Variants in STPG2 observed in about 807,000 individuals in gnomAD.
The protein encoded by STPG2 is sperm tail PG-rich repeat containing 2.
In STPG2, 56 loss-of-function variants were observed where a neutral mutation model predicts 54.2. The observed-to-expected ratio is 1.03, with a 90% CI of 0.83 to 1.29. The LOEUF is 1.29. Ranked by LOEUF, STPG2 falls within the 50% of genes most tolerant of loss-of-function variation. The pLI is 0.00. For missense variants in STPG2, 596 were observed against 544.9 expected (o/e 1.09, Z -0.93); for synonymous variants, 200 against 181.8 (o/e 1.10, Z -0.81).
chr4:97,562,251 T>C lies in STPG2; in HGVS notation c.1321-3134A>G, dbSNP rs999277908. ...GATTTGGCTCTCTGTTTGTCTGTTA[T>C]TGGTGTATAAGAATGCCTGTGATTT... On this transcript the variant is annotated intron_variant, in intron 10 of 10. Coordinates refer to ENST00000295268, the MANE Select transcript of STPG2 (RefSeq NM_174952.3). Among the ~76,000 whole-genome samples the C allele has an allele frequency of 3.9e-5, 6 of 152,286 alleles. No individual in the cohort carries two copies. In the South Asian group the frequency reaches 8.3e-4, roughly 21 times the overall value.
chr4:97,909,732 T>A (rs1305914635), intron 8 of STPG2, among the ~76,000 whole-genome samples: 6 of 152,124 alleles, frequency 3.9e-5, no homozygotes, highest in Admixed American at 1.3e-4. Flanking sequence ...AAATGCTTAA[T>A]AAAATTTAGA....
intron 9 of STPG2, among the ~76,000 whole-genome samples, chr4:97,796,172 T>C (rs1225575264): frequency 6.6e-6 from 1 of 152,228 alleles, no homozygotes; most frequent in Non-Finnish European, 1.5e-5. Context: ...CTGATGGTAG[T>C]TTCTTTCACT....
chr4:97,532,474 A>C (rs1398535337), intron 4 of STPG2, among the ~76,000 whole-genome samples: 1 of 152,202 alleles, frequency 6.6e-6, no homozygotes, highest in Admixed American at 6.5e-5. Context: ...ACTTGACGAT[A>C]TAAAGTGGCA....
intron 8 of STPG2, among the ~76,000 whole-genome samples, chr4:97,900,107 A>T (rs1360771966): frequency 6.6e-6 from 1 of 152,178 alleles, no homozygotes; most frequent in Non-Finnish European, 1.5e-5. Context: ...AAAGTTAGCA[A>T]AGGACATGAA....
intron 4 of STPG2, chr4:97,441,549 A>G (rs560504610): frequency 6.6e-6 from 1 of 152,114 alleles, no homozygotes; most frequent in African/African-American, 2.4e-5. Context: ...GGGAAAAGAA[A>G]AGCTATTTCA....
At chr4:97,934,982 A>C (rs1435284121) in intron 8 of STPG2, among the ~76,000 whole-genome samples, 2 of 152,046 alleles carry the variant, frequency 1.3e-5, no homozygotes, top group Non-Finnish European at 2.9e-5. Context: ...AATTCATCTG[A>C]TACTGGGCGT....
At chr4:97,552,136 C>G (rs1731980042) in intron 4 of STPG2, among the ~76,000 whole-genome samples, 1 of 152,042 alleles carries the variant, frequency 6.6e-6, no homozygotes. Flanking sequence ...AGCCAATATT[C>G]AAATCAAGAC....
At chr4:98,109,359 A>G in intron 3 of STPG2, 54 bp from the exon 4 acceptor site, 2 of 1,336,282 alleles carry the variant, frequency 1.5e-6, no homozygotes, top group Non-Finnish European at 2.1e-6. Context: ...TAAATAAGTC[A>G]TGAAACAATG....
At chr4:98,098,115 G>GA (rs994661299) in intron 5 of STPG2, among the ~76,000 whole-genome samples, 24 of 151,818 alleles carry the variant, frequency 1.6e-4, no homozygotes, top group Middle Eastern at 3.4e-3. Flanking sequence ...GAAACAAAAA[G>GA]AAAAAAACAT....
At chr4:97,956,359 T>C (rs1033966636) in intron 7 of STPG2, among the ~76,000 whole-genome samples, 3 of 152,092 alleles carry the variant, frequency 2.0e-5, no homozygotes, top group African/African-American at 7.2e-5. Context: ...ATTATAATAT[T>C]TGATTAATCC....
chr4:98,052,034 C>T (rs2149314563), intron 5 of STPG2, among the ~76,000 whole-genome samples: 1 of 150,134 alleles, frequency 6.7e-6, no homozygotes, highest in Admixed American at 6.7e-5. Context: ...TTGAAGTGAG[C>T]TGAGATTGCA....
intron 7 of STPG2, among the ~76,000 whole-genome samples, chr4:97,969,344 C>A (rs1734236581): frequency 6.6e-6 from 1 of 152,158 alleles, no homozygotes. Flanking sequence ...GATGTTATGT[C>A]AAAGAATTAC....
chr4:97,448,163 G>T (rs1429210114), intron 4 of STPG2, among the ~76,000 whole-genome samples: 1 of 152,148 alleles, frequency 6.6e-6, no homozygotes, highest in East Asian at 1.9e-4. Context: ...TCCAGTGCTT[G>T]TCCCCATATT....
intron 9 of STPG2, among the ~76,000 whole-genome samples, chr4:97,777,594 A>G (rs1032620759): frequency 3.9e-5 from 6 of 152,136 alleles, no homozygotes; most frequent in Non-Finnish European, 8.8e-5. Flanking sequence ...TCAATGAAAA[A>G]CTTTCAGTTT....
intron 10 of STPG2, among the ~76,000 whole-genome samples, chr4:97,561,495 T>C (rs1732241542): frequency 6.6e-6 from 1 of 152,220 alleles, no homozygotes; most frequent in South Asian, 2.1e-4. Context: ...CCACTGCTTT[T>C]GGTGTTTTAG....
chr4:97,456,891 C>CAAAAAAAAA (rs57563048), intron 4 of STPG2, among the ~76,000 whole-genome samples: 1 of 48,920 alleles, frequency 2.0e-5, no homozygotes, highest in Non-Finnish European at 3.6e-5. Context: ...TGCTCCGTCT[C>CAAAAAAAAA]AAAAAAAAAA....
At chr4:97,716,021 G>A (rs1724275662) in intron 9 of STPG2, among the ~76,000 whole-genome samples, 1 of 152,070 alleles carries the variant, frequency 6.6e-6, no homozygotes, top group Admixed American at 6.5e-5. Flanking sequence ...CTGTCAAAAG[G>A]TTGGCGAAGG....
chr4:97,839,025 T>G (rs1728716295), intron 9 of STPG2, among the ~76,000 whole-genome samples: 1 of 151,584 alleles, frequency 6.6e-6, no homozygotes, highest in South Asian at 2.1e-4. Flanking sequence ...AGTTGTACAG[T>G]GACTTTGACA....
intron 10 of STPG2, among the ~76,000 whole-genome samples, chr4:97,566,546 G>A (rs1171678339): frequency 6.6e-6 from 1 of 152,176 alleles, no homozygotes; most frequent in African/African-American, 2.4e-5. Flanking sequence ...GCTGGGAGCT[G>A]TAGACTGGCG....
Sources: gnomAD v4.1 joint callset for allele counts (sites outside exome capture counted in the v4.1 genomes callset) on GRCh38, gnomAD v4.1.1 for gene constraint, MANE v1.5 for transcripts, NCBI Gene and HGNC (gene_info 2026-07-23, HGNC 2026-07-21) for gene names.